Variants in ASXL3 observed in about 807,000 individuals in gnomAD.
ASXL3 encodes ASXL transcriptional regulator 3.
In ASXL3, 34 loss-of-function variants were observed where a neutral mutation model predicts 170.6. That is an observed-to-expected ratio of 0.20 (90% CI 0.15 to 0.27). The LOEUF (loss-of-function observed/expected upper bound fraction) is 0.27, where lower values mean the gene tolerates loss of function less well. Ranked by LOEUF, ASXL3 falls within the 10% of genes least tolerant of loss-of-function variation. ASXL3 has a pLI of 1.00. For synonymous variants in ASXL3, 1,002 were observed against 989.1 expected (o/e 1.01, Z -0.24); for missense variants, 2,592 against 2,695.3 (o/e 0.96, Z 0.85).
At chr18:33,734,274 C>T (rs774118190) in intron 9 of ASXL3, 36 bp from the exon 10 acceptor site, 1 of 1,409,212 alleles carries the variant, frequency 7.1e-7, no homozygotes, top group South Asian at 1.4e-5. Context: ...AAAGATGTGA[C>T]CACATTTATT....
intron 8 of ASXL3, among the ~76,000 whole-genome samples, chr18:33,686,019 C>T (rs1030827334): frequency 1.3e-5 from 2 of 152,174 alleles, no homozygotes; most frequent in African/African-American, 4.8e-5. Context: ...GAAGAAATAA[C>T]GGATTGTCTT....
At chr18:33,610,214 TAAGTA>T (rs1023313733) in intron 2 of ASXL3, among the ~76,000 whole-genome samples, 4 of 152,098 alleles carry the variant, frequency 2.6e-5, no homozygotes, top group African/African-American at 9.7e-5. Flanking sequence ...GTATTTTTCT[TAAGTA>T]AAGTTTAGAA....
intron 7 of ASXL3, among the ~76,000 whole-genome samples, chr18:33,680,256 G>T (rs2066494796): frequency 6.6e-6 from 1 of 151,896 alleles, no homozygotes; most frequent in African/African-American, 2.4e-5. Context: ...ACATATAATG[G>T]ATATGTAGGG....
rs138364387 is a variant in ASXL3, at chr18:33,599,906, G to A, written c.55-7688G>A. ...TGAAAGATCTGGAACTTTTAGTTGA[G>A]TGACAATGTGAGGTGGCTGCTGAAA... is the stretch of plus-strand genomic sequence containing the variant. On this transcript the variant is annotated intron_variant, in intron 1 of 11. Coordinates refer to ENST00000269197, the MANE Select transcript of ASXL3 (RefSeq NM_030632.3). 5.8e-3 allele frequency among the ~76,000 whole-genome samples: 886 copies of A among 152,212 alleles called. 4 individuals carry two copies. The highest frequency in any genetic ancestry group is 0.021 in the South Asian group (100 of 4,830).
At chr18:33,734,784 C>G (rs1465344363) in intron 10 of ASXL3, among the ~76,000 whole-genome samples, 9 of 152,126 alleles carry the variant, frequency 5.9e-5, no homozygotes. Flanking sequence ...TTAATTCTCA[C>G]ACTTTTCTAA....
chr18:33,655,896 C>T (rs1429829630), intron 4 of ASXL3, among the ~76,000 whole-genome samples: 2 of 152,018 alleles, frequency 1.3e-5, no homozygotes, highest in East Asian at 1.9e-4. Flanking sequence ...AAGTTTTCAT[C>T]GGTAGTTCTC....
intron 1 of ASXL3, among the ~76,000 whole-genome samples, chr18:33,579,802 ACT>A (rs1279526631): frequency 4.6e-5 from 7 of 151,842 alleles, no homozygotes; most frequent in African/African-American, 1.2e-4. Flanking sequence ...AAGAAAGCAG[ACT>A]GCATGCAGCG....
At chr18:33,690,112 C>T (rs1326766291) in intron 8 of ASXL3, 4 of 152,194 alleles carry the variant, frequency 2.6e-5, no homozygotes, top group African/African-American at 9.7e-5. Context: ...CCGCCACCAA[C>T]TTCACCTCCC....
At chr18:33,686,230 C>A (rs867252258) in intron 8 of ASXL3, among the ~76,000 whole-genome samples, 1 of 152,058 alleles carries the variant, frequency 6.6e-6, no homozygotes, top group African/African-American at 2.4e-5. Context: ...GTGTACTATA[C>A]GCAAGAATGG....
chr18:33,621,146 C>A (rs1380582743), intron 2 of ASXL3, among the ~76,000 whole-genome samples: 2 of 152,106 alleles, frequency 1.3e-5, no homozygotes, highest in Admixed American at 6.6e-5. Context: ...TGTTTTAGAT[C>A]ATATAGTTTT....
chr18:33,696,556 G>T (rs80163036), intron 8 of ASXL3, among the ~76,000 whole-genome samples: 2,027 of 152,184 alleles, frequency 0.013, 22 homozygotes, highest in Non-Finnish European at 0.021. Flanking sequence ...GGGTGGGAGT[G>T]ACTGCCTCAG....
intron 8 of ASXL3, among the ~76,000 whole-genome samples, chr18:33,711,741 A>G (rs747375030): frequency 2.0e-5 from 3 of 152,218 alleles, no homozygotes; most frequent in East Asian, 3.9e-4. Context: ...GGGAGAGGCT[A>G]TGGGGATCCC....
intron 8 of ASXL3, among the ~76,000 whole-genome samples, chr18:33,730,577 A>G (rs1424075294): frequency 6.6e-6 from 1 of 151,988 alleles, no homozygotes; most frequent in Non-Finnish European, 1.5e-5. Context: ...TCATTCATAT[A>G]TCAGGGCTTT....
intron 2 of ASXL3, among the ~76,000 whole-genome samples, chr18:33,638,922 G>A (rs2065808601): frequency 1.3e-5 from 2 of 152,232 alleles, no homozygotes; most frequent in South Asian, 4.1e-4. Context: ...CTATCCACAT[G>A]TGACAGACTA....
At chr18:33,738,020 T>A (rs560420101) in intron 10 of ASXL3, among the ~76,000 whole-genome samples, 1 of 152,106 alleles carries the variant, frequency 6.6e-6, no homozygotes, top group Admixed American at 6.6e-5. Context: ...TATTCCTTTA[T>A]TAACACTTGG....
intron 8 of ASXL3, among the ~76,000 whole-genome samples, chr18:33,725,288 A>G (rs1483793079): frequency 3.9e-5 from 6 of 152,164 alleles, no homozygotes; most frequent in African/African-American, 9.7e-5. Context: ...CTAATGTACT[A>G]TACTGCACAC....
chr18:33,641,244 A>G (rs909729880), intron 2 of ASXL3, among the ~76,000 whole-genome samples: 6 of 152,094 alleles, frequency 3.9e-5, no homozygotes, highest in Non-Finnish European at 7.4e-5. Context: ...TTCACACAGC[A>G]CTGGGGCTCT....
intron 8 of ASXL3, among the ~76,000 whole-genome samples, chr18:33,701,643 C>T (rs926396270): frequency 3.9e-5 from 6 of 151,922 alleles, no homozygotes; most frequent in Non-Finnish European, 7.4e-5. Context: ...AGTCCTTTTT[C>T]TCTTGCTGTT....
At chr18:33,735,483 T>C (rs918060691) in intron 10 of ASXL3, among the ~76,000 whole-genome samples, 5 of 152,174 alleles carry the variant, frequency 3.3e-5, no homozygotes. Flanking sequence ...TCTCAAAGAT[T>C]AAAAATGTGA....
Sources: gnomAD v4.1 joint callset for allele counts (sites outside exome capture counted in the v4.1 genomes callset) on GRCh38, gnomAD v4.1.1 for gene constraint, MANE v1.5 for transcripts, NCBI Gene and HGNC (gene_info 2026-07-23, HGNC 2026-07-21) for gene names.